The following NRXN1 variants were observed in gnomAD, a reference collection of about 807,000 sequenced individuals.
NRXN1 encodes neurexin-1.
Under a neutral mutation model 150.9 loss-of-function variants are expected in NRXN1, and 39 were observed. The ratio of observed to expected loss-of-function variants is 0.26; its 90% confidence interval spans 0.20 to 0.34. NRXN1 has a LOEUF of 0.34. Among genes scored for constraint, NRXN1 ranks in the 10% least tolerant of loss-of-function variants. The pLI, the probability that NRXN1 is intolerant of heterozygous loss-of-function variation, is 1.00. For missense variants in NRXN1, 1,815 were observed against 1,949.9 expected, an observed-to-expected ratio of 0.93 and a Z score of 1.30; for synonymous variants, 924 against 757.0, an observed-to-expected ratio of 1.22 and a Z score of -3.62.
At chr2:50,092,376 C>T (rs1423802687) in intron 18 of NRXN1, among the ~76,000 whole-genome samples, 1 of 152,172 alleles carries the variant, frequency 6.6e-6, no homozygotes, top group Non-Finnish European at 1.5e-5. Flanking sequence ...ACCATGAAAT[C>T]AGTTGATTTC....
At chr2:50,702,892 T>G (rs544976873) in intron 5 of NRXN1, among the ~76,000 whole-genome samples, 2 of 152,228 alleles carry the variant, frequency 1.3e-5, no homozygotes, top group East Asian at 3.9e-4. Context: ...GGATTCTCCA[T>G]TATATCTAAC....
chr2:50,462,131 G>A (rs1042451688), intron 17 of NRXN1, among the ~76,000 whole-genome samples: 1 of 151,870 alleles, frequency 6.6e-6, no homozygotes, highest in Non-Finnish European at 1.5e-5. Context: ...TGTCTAGCAC[G>A]CTTTGATTTT....
At chr2:50,002,707 C>A (rs962397527) in intron 21 of NRXN1, among the ~76,000 whole-genome samples, 18 of 151,918 alleles carry the variant, frequency 1.2e-4, no homozygotes, top group Non-Finnish European at 2.9e-5. Context: ...CTGCTCTGTC[C>A]GCCATTCCCG....
chr2:50,277,511 CTT>C (rs1558435150), intron 17 of NRXN1, among the ~76,000 whole-genome samples: 10 of 43,008 alleles, frequency 2.3e-4, no homozygotes, highest in African/African-American at 7.7e-4. Flanking sequence ...TCCTTCCTTC[CTT>C]CCTTTTTCCT....
chr2:49,949,046 AT>A (rs1673460430), intron 21 of NRXN1, among the ~76,000 whole-genome samples: 1 of 152,020 alleles, frequency 6.6e-6, no homozygotes, highest in Non-Finnish European at 1.5e-5. Flanking sequence ...GAAGAAAATG[AT>A]TTGAACAGAA....
At chr2:50,933,993 A>C (rs888826346) in intron 2 of NRXN1, among the ~76,000 whole-genome samples, 1 of 152,158 alleles carries the variant, frequency 6.6e-6, no homozygotes, top group Non-Finnish European at 1.5e-5. Context: ...ATTTCTACCA[A>C]AACAATTTCA....
At chr2:50,677,433 A>T (rs751804514) in intron 5 of NRXN1, among the ~76,000 whole-genome samples, 4 of 151,818 alleles carry the variant, frequency 2.6e-5, no homozygotes, top group Non-Finnish European at 5.9e-5. Context: ...TGTCTAAGAA[A>T]CTCTACTGTA....
intron 5 of NRXN1, among the ~76,000 whole-genome samples, chr2:50,803,352 G>C (rs1383718307): frequency 6.6e-6 from 1 of 152,108 alleles, no homozygotes; most frequent in Non-Finnish European, 1.5e-5. Context: ...AAGACTGGAG[G>C]AGAAACTAAT....
intron 17 of NRXN1, among the ~76,000 whole-genome samples, chr2:50,417,415 C>CT: frequency 6.6e-6 from 1 of 152,198 alleles, no homozygotes; most frequent in South Asian, 2.1e-4. Context: ...AAAGCTTCTG[C>CT]TTCACTACGA....
At chr2:50,846,411 C>T (rs535483088) in intron 5 of NRXN1, among the ~76,000 whole-genome samples, 2 of 152,018 alleles carry the variant, frequency 1.3e-5, no homozygotes, top group South Asian at 4.1e-4. Context: ...ACCTCTGGGT[C>T]GGCAAGCAAG....
At chr2:50,987,957 T>A (rs762606499) in intron 2 of NRXN1, among the ~76,000 whole-genome samples, 2 of 151,992 alleles carry the variant, frequency 1.3e-5, no homozygotes, top group Non-Finnish European at 2.9e-5. Flanking sequence ...AATGGATTAA[T>A]TTTTTAGGCC....
At chr2:50,095,603 C>A (rs1379308885) in intron 18 of NRXN1, among the ~76,000 whole-genome samples, 1 of 151,930 alleles carries the variant, frequency 6.6e-6, no homozygotes, top group Non-Finnish European at 1.5e-5. Flanking sequence ...TGAAATAAGT[C>A]CCTTTAACTT....
intron 19 of NRXN1, among the ~76,000 whole-genome samples, chr2:50,060,451 A>T (rs1197378352): frequency 3.9e-5 from 6 of 152,084 alleles, no homozygotes; most frequent in Non-Finnish European, 8.8e-5. Context: ...GTCTCAGATG[A>T]GACTTTGGAC....
chr2:50,286,451 T>C lies in NRXN1; in HGVS notation c.3365-49481A>G, dbSNP rs368354859. On this transcript the variant is annotated intron_variant, in intron 17 of 22. Transcript: ENST00000401669. ...CCCCAGTTTTTCCACATTGTTGCAA[T>C]TGACAGAATTTCCATCTTTATTATG... Among the ~76,000 whole-genome samples, 11 of 152,202 alleles carry C rather than the reference T, an allele frequency of 7.2e-5. 1 individual carries two copies. The East Asian group carries it at 9.6e-4, about 13-fold the overall frequency.
At chr2:50,109,008 C>T (rs1042331048) in intron 18 of NRXN1, among the ~76,000 whole-genome samples, 1 of 152,018 alleles carries the variant, frequency 6.6e-6, no homozygotes, top group Admixed American at 6.6e-5. Flanking sequence ...CATACATTCT[C>T]ATAAGGAGTG....
chr2:50,127,520 A>G (rs563816271), intron 18 of NRXN1, among the ~76,000 whole-genome samples: 2 of 152,238 alleles, frequency 1.3e-5, no homozygotes, highest in Non-Finnish European at 2.9e-5. Context: ...AAATTTACCA[A>G]TACTTTCTCA....
chr2:50,998,900 C>T (rs1699674747), intron 2 of NRXN1, among the ~76,000 whole-genome samples: 1 of 151,718 alleles, frequency 6.6e-6, no homozygotes, highest in Non-Finnish European at 1.5e-5. Context: ...TTCAATTAGC[C>T]CAATGTCAGA....
intron 18 of NRXN1, among the ~76,000 whole-genome samples, chr2:50,131,505 A>G (rs1345029323): frequency 6.6e-6 from 1 of 152,208 alleles, no homozygotes; most frequent in Non-Finnish European, 1.5e-5. Context: ...CTTCCAGAGG[A>G]CATGGACCTT....
At chr2:50,693,133 G>C (rs1692307180) in intron 5 of NRXN1, among the ~76,000 whole-genome samples, 1 of 152,098 alleles carries the variant, frequency 6.6e-6, no homozygotes. Flanking sequence ...TTTCTGATAG[G>C]CCAAGGTTTT....
Sources: gnomAD v4.1 joint callset for allele counts (sites outside exome capture counted in the v4.1 genomes callset) on GRCh38, gnomAD v4.1.1 for gene constraint, MANE v1.5 for transcripts, NCBI Gene and HGNC (gene_info 2026-07-23, HGNC 2026-07-21) for gene names.